TAF3: variants seen among roughly 807,000 people sequenced by gnomAD.
TAF3 encodes the protein transcription initiation factor TFIID subunit 3.
A neutral mutation model predicts 80.6 loss-of-function variants in TAF3; 7 were observed. The observed-to-expected ratio is 0.09, with a 90% CI of 0.05 to 0.16. The LOEUF (loss-of-function observed/expected upper bound fraction) is 0.16. Among genes scored for constraint, TAF3 ranks in the 10% least tolerant of loss-of-function variants. TAF3 has a pLI of 1.00. For missense variants in TAF3, 921 were observed against 1,140.2 expected (o/e 0.81, Z 2.77); for synonymous variants, 444 against 446.1 (o/e 1.00, Z 0.06).
intron 2 of TAF3, among the ~76,000 whole-genome samples, chr10:7,895,664 G>A (rs558667965): frequency 7.9e-4 from 120 of 152,284 alleles, no homozygotes; most frequent in Middle Eastern, 3.4e-3. Context: ...TAATTGAAAA[G>A]GGCCTGGGCT....
intron 2 of TAF3, among the ~76,000 whole-genome samples, chr10:7,834,121 G>A (rs1836827918): frequency 6.6e-6 from 1 of 152,140 alleles, no homozygotes; most frequent in Non-Finnish European, 1.5e-5. Context: ...TCAGATGTGT[G>A]GGTGCACGTG....
intron 2 of TAF3, among the ~76,000 whole-genome samples, chr10:7,834,762 C>T (rs988216805): frequency 1.3e-5 from 2 of 152,068 alleles, no homozygotes; most frequent in South Asian, 2.1e-4. Flanking sequence ...CCAGATTACA[C>T]GTACAATATT....
At chr10:7,882,152 G>C (rs1837368112) in intron 2 of TAF3, among the ~76,000 whole-genome samples, 1 of 152,200 alleles carries the variant, frequency 6.6e-6, no homozygotes, top group Admixed American at 6.5e-5. Flanking sequence ...TAAATTTCAA[G>C]ATGTTTTCTT....
intron 3 of TAF3, among the ~76,000 whole-genome samples, chr10:7,976,395 C>T (rs1461849156): frequency 1.3e-5 from 2 of 151,360 alleles, no homozygotes; most frequent in African/African-American, 4.8e-5. Context: ...TACAGGCACC[C>T]GCCACCATGA....
At chr10:7,936,360 G>A (rs547941967) in intron 2 of TAF3, among the ~76,000 whole-genome samples, 1 of 152,268 alleles carries the variant, frequency 6.6e-6, no homozygotes, top group East Asian at 1.9e-4. Flanking sequence ...TAGTTGGGGA[G>A]ATAAGACGGG....
chr10:7,856,588 A>G (rs2131130900), intron 2 of TAF3, among the ~76,000 whole-genome samples: 1 of 152,348 alleles, frequency 6.6e-6, no homozygotes, highest in African/African-American at 2.4e-5. Context: ...GCAGAAGCCT[A>G]GGAGCAGTGA....
At chr10:7,912,649 C>T (rs918133160) in intron 2 of TAF3, among the ~76,000 whole-genome samples, 1 of 152,152 alleles carries the variant, frequency 6.6e-6, no homozygotes, top group Non-Finnish European at 1.5e-5. Context: ...CTTTAGAAAT[C>T]TTTGGGAATT....
At chr10:7,852,421 T>C (rs1837037262) in intron 2 of TAF3, among the ~76,000 whole-genome samples, 1 of 152,228 alleles carries the variant, frequency 6.6e-6, no homozygotes, top group African/African-American at 2.4e-5. Flanking sequence ...TCTCATTCTC[T>C]GTCTCTTTCC....
At chr10:7,936,629 A>T (rs1837923464) in intron 2 of TAF3, among the ~76,000 whole-genome samples, 1 of 151,858 alleles carries the variant, frequency 6.6e-6, no homozygotes, top group African/African-American at 2.4e-5. Context: ...CACTATCAAC[A>T]TCCCCCACCA....
intron 2 of TAF3, among the ~76,000 whole-genome samples, chr10:7,834,343 T>A (rs541615512): frequency 6.7e-4 from 102 of 152,320 alleles, no homozygotes; most frequent in Non-Finnish European, 4.0e-4. Flanking sequence ...AGTCTTACAT[T>A]TAGGTCTTTA....
chr10:7,983,924 T>C (rs949785679), intron 4 of TAF3, among the ~76,000 whole-genome samples: 1 of 152,184 alleles, frequency 6.6e-6, no homozygotes, highest in African/African-American at 2.4e-5. Flanking sequence ...GAATGACTGG[T>C]GAAGTTCACA....
At chr10:7,987,749 A>C (rs1347844048) in intron 4 of TAF3, among the ~76,000 whole-genome samples, 1 of 152,252 alleles carries the variant, frequency 6.6e-6, no homozygotes, top group Non-Finnish European at 1.5e-5. Context: ...TAGTGAATTT[A>C]TATGAAAAGC....
chr10:7,821,068 C>G (rs1836685578), intron 1 of TAF3, among the ~76,000 whole-genome samples: 1 of 152,156 alleles, frequency 6.6e-6, no homozygotes, highest in Non-Finnish European at 1.5e-5. Flanking sequence ...AAGGGAGCTG[C>G]CACTCTATGT....
chr10:7,923,995 A>G (rs1837791623), intron 2 of TAF3, among the ~76,000 whole-genome samples: 1 of 152,194 alleles, frequency 6.6e-6, no homozygotes, highest in African/African-American at 2.4e-5. Flanking sequence ...GATAGAAACA[A>G]AATTTCAGAC....
chr10:7,899,988 G>A (rs1011669947), intron 2 of TAF3, among the ~76,000 whole-genome samples: 1 of 152,154 alleles, frequency 6.6e-6, no homozygotes, highest in African/African-American at 2.4e-5. Context: ...TTCCTCAGTG[G>A]ACATGTTAGG....
intron 3 of TAF3, among the ~76,000 whole-genome samples, chr10:7,976,644 G>A (rs891553555): frequency 2.6e-5 from 4 of 151,910 alleles, no homozygotes; most frequent in African/African-American, 7.3e-5. Context: ...ACCTCATGAC[G>A]CCTGCCTCAG....
At chr10:7,836,827 A>C (rs1836856248) in intron 2 of TAF3, among the ~76,000 whole-genome samples, 1 of 152,234 alleles carries the variant, frequency 6.6e-6, no homozygotes, top group Non-Finnish European at 1.5e-5. Flanking sequence ...AAACTATTAG[A>C]CAAAAAATTA....
At chr10:7,911,906 C>G (rs535919067) in intron 2 of TAF3, among the ~76,000 whole-genome samples, 1 of 152,022 alleles carries the variant, frequency 6.6e-6, no homozygotes, top group South Asian at 2.1e-4. Context: ...TTTACTCGTT[C>G]GCTTCATTTT....
chr10:7,886,448 T>C (rs1288512226), intron 2 of TAF3, among the ~76,000 whole-genome samples: 1 of 152,246 alleles, frequency 6.6e-6, no homozygotes, highest in Non-Finnish European at 1.5e-5. Context: ...TGTAACTATT[T>C]TTTTCTTTAC....
Sources: allele counts gnomAD v4.1 joint callset (sites outside exome capture counted in the v4.1 genomes callset), GRCh38; gene constraint gnomAD v4.1.1; transcripts MANE v1.5; gene names NCBI Gene and HGNC (gene_info 2026-07-23, HGNC 2026-07-21).